AVL9: variants seen among roughly 807,000 people sequenced by gnomAD.
AVL9 encodes the protein AVL9 cell migration associated.
In AVL9, 49 loss-of-function variants were observed where a neutral mutation model predicts 79.2. The ratio of observed to expected loss-of-function variants is 0.62; its 90% CI spans 0.49 to 0.79. The LOEUF (loss-of-function observed/expected upper bound fraction) is 0.79, where lower values mean the gene tolerates loss of function less well. Among genes scored for constraint, AVL9 ranks in the 30% least tolerant of loss-of-function variants. AVL9 has a pLI of 0.00. For missense variants in AVL9, 682 were observed against 776.8 expected (o/e 0.88, Z 1.45); for synonymous variants, 299 against 280.6 (o/e 1.07, Z -0.65).
intron 1 of AVL9, among the ~76,000 whole-genome samples, chr7:32,496,508 C>T (rs1786820153): frequency 6.6e-6 from 1 of 152,174 alleles, no homozygotes; most frequent in Non-Finnish European, 1.5e-5. Context: ...CTCACTGAAT[C>T]ATTAATGCAG....
chr7:32,531,506 G>C (rs375776248), intron 1 of AVL9: 5 of 17,600 alleles, frequency 2.8e-4, no homozygotes, highest in African/African-American at 1.2e-3. Flanking sequence ...TACCATTAGC[G>C]TGAAAATCAG....
At position 32,586,078 on chromosome 7, in the gene AVL9, C is replaced by G. The variant is rs1157768342; in HGVS notation, c.*2171C>G. ...TTTCAGTTGGTATGGTTTCTGTGAT[C>G]GGGGTAAACTCCCGTCTCCCACTAT... On this transcript the variant is annotated 3_prime_UTR_variant, in exon 16 of 16. Coordinates refer to ENST00000318709, the MANE Select transcript of AVL9 (RefSeq NM_015060.3). 6.6e-6 allele frequency: 1 copy of G among 152,108 alleles called. No homozygotes were observed. Among genetic ancestry groups the G allele is most frequent in the South Asian group, 2.1e-4 (1 of 4,816 alleles). The allele number at this position is 152,108 out of a possible 1,614,324, so 9.4% of individuals were successfully genotyped here. A position where few individuals can be genotyped will look rare whatever the true frequency, so the allele number is the denominator to read the frequency against.
chr7:32,560,112 C>A (rs1177325246), intron 10 of AVL9, among the ~76,000 whole-genome samples: 1 of 151,812 alleles, frequency 6.6e-6, no homozygotes, highest in East Asian at 1.9e-4. Flanking sequence ...GCTTGGGAGG[C>A]TGAGATTAGG....
At chr7:32,552,351 A>C in intron 6 of AVL9, 56 bp downstream of exon 6, 3 of 1,112,074 alleles carry the variant, frequency 2.7e-6, no homozygotes, top group South Asian at 2.6e-5. Context: ...TTGTTTAGCA[A>C]ACTGAGTTGC....
At position 32,575,979 on chromosome 7, in the gene AVL9, A is replaced by G. The variant is rs761086741; in HGVS notation, c.1595A>G (p.Tyr532Cys). 3.7e-6 allele frequency: 6 copies of G among 1,613,384 alleles called. No individual in the cohort carries two copies. Among genetic ancestry groups the G allele is most frequent in the Non-Finnish European group, 5.1e-6 (6 of 1,179,308 alleles). ...GACAATGAAAAGATATTATCGGACT[A>G]TGGGACAACTTTTGTTACAGCATGG... ...QLDNEKILSD[Y>C]GTTFVTAWKN... Residue 532 changes from tyrosine to cysteine, a missense_variant, in exon 13 of 16, where the codon TAT becomes TGT. Tyr to Cys is a radical substitution (Grantham distance 194). Coordinates refer to ENST00000318709, the MANE Select transcript of AVL9 (RefSeq NM_015060.3).
chr7:32,499,074 AT>A (rs1244023059), intron 1 of AVL9, among the ~76,000 whole-genome samples: 1 of 149,050 alleles, frequency 6.7e-6, no homozygotes, highest in African/African-American at 2.5e-5. Flanking sequence ...GAGGCAGGAG[AT>A]TTGCTTGAAT....
Position 32,587,953 on chromosome 7 carries a change from T to C in AVL9, c.*4046T>C, listed in dbSNP as rs1791868007. ...ATGAAGGAGGGGAAACTAGTTCCCT[T>C]GTATGGTAACTCCAAAGTTAAAAAA... On this transcript the variant is annotated 3_prime_UTR_variant, in exon 16 of 16. Transcript: ENST00000318709. The C allele has an allele frequency of 6.6e-6, 1 of 152,200 alleles. No homozygotes were observed. The highest frequency in any genetic ancestry group is 2.4e-5 in the African/African-American group (1 of 41,464). 9.4% of individuals were successfully genotyped at this position (152,200 alleles called of 1,614,324 possible).
At chr7:32,571,505 G>A (rs1334792862) in intron 11 of AVL9, among the ~76,000 whole-genome samples, 1 of 151,952 alleles carries the variant, frequency 6.6e-6, no homozygotes, top group Non-Finnish European at 1.5e-5. Context: ...TCCAGCTTGG[G>A]CGATAGAGTG....
At chr7:32,536,031 G>A (rs969801782) in intron 1 of AVL9, 2 of 152,158 alleles carry the variant, frequency 1.3e-5, no homozygotes, top group Admixed American at 6.5e-5. Flanking sequence ...TTCCTCCCTA[G>A]CATTACAGAA....
intron 1 of AVL9, among the ~76,000 whole-genome samples, chr7:32,527,431 CTA>C (rs1788452467): frequency 6.6e-6 from 1 of 152,158 alleles, no homozygotes; most frequent in African/African-American, 2.4e-5. Context: ...TTTTGTATAG[CTA>C]ATTGCTCTGA....
rs1270591227 is a variant in AVL9 at position 32,584,933 on chromosome 7, C to CTAAT, written c.*1029_*1032dup. 1.3e-5 allele frequency: 2 copies of CTAAT among 152,100 alleles called. No homozygotes were observed. Among genetic ancestry groups the CTAAT allele is most frequent in the African/African-American group, 4.8e-5 (2 of 41,388 alleles). 9.4% of individuals were successfully genotyped at this position (152,100 alleles called of 1,614,324 possible). On this transcript the variant is annotated 3_prime_UTR_variant, in exon 16 of 16. Coordinates refer to ENST00000318709, the MANE Select transcript of AVL9 (RefSeq NM_015060.3). ...TATGGACATGCGCCACCATGCCCAG[C>CTAAT]TAATTATTGTATTTTTAGTAGAGAC...
At chr7:32,543,114 T>C (rs1789292340) in intron 1 of AVL9, 27 bp from the exon 2 acceptor site, 2 of 1,611,632 alleles carry the variant, frequency 1.2e-6, no homozygotes, top group African/African-American at 1.3e-5. Flanking sequence ...TCAACCACCT[T>C]TTGGCTAACA....
chr7:32,582,931 G>T (rs114515128), intron 15 of AVL9, among the ~76,000 whole-genome samples: 2 of 152,112 alleles, frequency 1.3e-5, no homozygotes, highest in East Asian at 3.9e-4. Context: ...CTAACCACCC[G>T]TCTCGGCTTC....
chr7:32,577,107 G>A (rs1367472717), intron 13 of AVL9, among the ~76,000 whole-genome samples: 1 of 152,200 alleles, frequency 6.6e-6, no homozygotes, highest in African/African-American at 2.4e-5. Context: ...GCTGAGGCGG[G>A]TGGATCACAA....
At chr7:32,495,859 C>CGAA in intron 1 of AVL9, 57 bp downstream of exon 1, 1 of 1,121,956 alleles carries the variant, frequency 8.9e-7, no homozygotes, top group Non-Finnish European at 1.1e-6. Context: ...CCTTCCGGGG[C>CGAA]CCCCCTGCCC....
intron 10 of AVL9, among the ~76,000 whole-genome samples, chr7:32,569,568 CT>C (rs1790733132): frequency 6.6e-6 from 1 of 152,148 alleles, no homozygotes; most frequent in African/African-American, 2.4e-5. Flanking sequence ...ATAACAAATG[CT>C]ATGTAGTACC....
In AVL9 at chr7:32,495,670, T is replaced by G; in HGVS notation, c.-40T>G. On this transcript the variant is annotated 5_prime_UTR_variant, in exon 1 of 16. Transcript: ENST00000318709. ...GTGGGGTCGTCAGACCCGCTGCCCTTGGCGGTCGAAGTCGTCGTGCGGGCC... is the reference window on the plus strand; with the variant it reads ...GTGGGGTCGTCAGACCCGCTGCCCTGGGCGGTCGAAGTCGTCGTGCGGGCC... 8.1e-7 allele frequency: 1 copy of G among 1,234,248 alleles called. No individual in the cohort carries two copies. The highest frequency in any genetic ancestry group is 1.0e-6 in the Non-Finnish European group (1 of 972,692). 76.5% of individuals were successfully genotyped at this position (1,234,248 alleles called of 1,614,324 possible).
At position 32,523,762 on chromosome 7, in the gene AVL9, C is replaced by T. The variant is rs1223544012; in HGVS notation, c.94-19379C>T. Among the ~76,000 whole-genome samples the T allele has an allele frequency of 3.8e-5, 5 of 131,104 alleles. No homozygotes were observed. In the Admixed American group the frequency reaches 4.2e-4, roughly 11 times the overall value. 86.0% of individuals were successfully genotyped at this position (131,104 alleles called of 152,430 possible). Reference sequence around the variant, plus strand: ...TTTTTTTTTTTTTTTGAGACGGAGTCTTGCTCTGTCACTCAGGCTGGAGTG... The same window carrying T: ...TTTTTTTTTTTTTTTGAGACGGAGTTTTGCTCTGTCACTCAGGCTGGAGTG... On this transcript the variant is annotated intron_variant, in intron 1 of 15. Transcript: ENST00000318709.
intron 12 of AVL9, among the ~76,000 whole-genome samples, chr7:32,575,077 CT>C (rs961083866): frequency 7.4e-6 from 1 of 135,162 alleles, no homozygotes; most frequent in Non-Finnish European, 1.6e-5. Flanking sequence ...TCAGTATATT[CT>C]TTTAAGACTT....
Sources: allele counts gnomAD v4.1 joint callset (sites outside exome capture counted in the v4.1 genomes callset), GRCh38; gene constraint gnomAD v4.1.1; transcripts MANE v1.5; gene names NCBI Gene and HGNC (gene_info 2026-07-23, HGNC 2026-07-21).